Variants in KLHL13 observed in about 807,000 individuals in gnomAD.
KLHL13 encodes the protein kelch like family member 13, also known as kelch-like protein 13.
KLHL13 carries 10 observed loss-of-function variants against 37.1 expected under a neutral mutation model. That is an observed-to-expected ratio of 0.27 (90% CI 0.17 to 0.46). The LOEUF (loss-of-function observed/expected upper bound fraction) is 0.46, where lower values mean the gene tolerates loss of function less well. Among genes scored for constraint, KLHL13 ranks in the 20% least tolerant of loss-of-function variants. The probability of loss-of-function intolerance (pLI) is 1.00; values close to 1 mark genes in which losing one functional copy is unlikely to be tolerated. For synonymous variants in KLHL13, 163 were observed against 181.2 expected (o/e 0.90, Z 0.81); for missense variants, 360 against 509.3 (o/e 0.71, Z 2.82).
chrX:118,091,045 G>A (rs1418367012), intron 1 of KLHL13, among the ~76,000 whole-genome samples: 11 of 101,446 alleles, frequency 1.1e-4, no homozygotes, highest in African/African-American at 1.5e-4. Flanking sequence ...ACCAAACACC[G>A]CATGTTCTCA....
At chrX:117,992,232 T>A (rs1208154589) in intron 1 of KLHL13, among the ~76,000 whole-genome samples, 14 of 80,556 alleles carry the variant, frequency 1.7e-4, no homozygotes, top group Non-Finnish European at 2.5e-4. Context: ...GAAACTGAGA[T>A]GTAAAAAAAA....
chrX:117,990,427 T>TACC (rs1025734790), intron 1 of KLHL13, among the ~76,000 whole-genome samples: 2 of 112,062 alleles, frequency 1.8e-5, no homozygotes, highest in African/African-American at 6.5e-5. Flanking sequence ...ATTAGTTTGT[T>TACC]ACCACCTAGG....
intron 1 of KLHL13, among the ~76,000 whole-genome samples, chrX:117,963,099 A>AT (rs1482533020): frequency 8.9e-6 from 1 of 111,779 alleles, no homozygotes; most frequent in Non-Finnish European, 1.9e-5. Context: ...ACTTGTTTTT[A>AT]TTTTTTTGTT....
intron 2 of KLHL13, among the ~76,000 whole-genome samples, chrX:117,929,870 TAGG>T (rs1161428568): frequency 1.9e-5 from 2 of 102,923 alleles, no homozygotes; most frequent in African/African-American, 7.2e-5. Context: ...GAGCCTGAGG[TAGG>T]AGGATTGCTT....
intron 2 of KLHL13, among the ~76,000 whole-genome samples, chrX:117,930,892 T>C (rs1269039676): frequency 8.9e-6 from 1 of 112,227 alleles, no homozygotes; most frequent in Non-Finnish European, 1.9e-5. Context: ...AAAATGTAAA[T>C]TATCTTAATC....
chrX:118,116,877 C>G (rs2055478458), upstream of KLHL13: 1 of 58,296 alleles, frequency 1.7e-5, no homozygotes, highest in African/African-American at 6.9e-5. Context: ...GGGGGGGGAG[C>G]GCGCGGGCGG....
At chrX:118,089,129 A>G (rs1281694306) in intron 1 of KLHL13, among the ~76,000 whole-genome samples, 1 of 111,556 alleles carries the variant, frequency 9.0e-6, no homozygotes, top group African/African-American at 3.3e-5. Context: ...CTGCACCCTC[A>G]TCCACGTCAC....
At chrX:117,964,533 T>A (rs1194759926) in intron 1 of KLHL13, among the ~76,000 whole-genome samples, 2 of 112,339 alleles carry the variant, frequency 1.8e-5, no homozygotes, top group Non-Finnish European at 3.8e-5. Flanking sequence ...TAATAGACAG[T>A]TGAGTAACTG....
rs1397037324 is a variant in KLHL13, at chrX:118,031,586, TTTAG to T, written c.-56+84918_-56+84921del. 3.0e-4 allele frequency among the ~76,000 whole-genome samples: 25 copies of T among 83,701 alleles called. No homozygotes were observed. The South Asian group carries it at 0.011, about 38-fold the overall frequency. 72.7% of individuals were successfully genotyped at this position (83,701 alleles called of 115,157 possible). A position where few individuals can be genotyped will look rare whatever the true frequency, so the allele number is the denominator to read the frequency against. On this transcript the variant is annotated intron_variant, in intron 1 of 6. Transcript: ENST00000371882. Reference sequence around the variant, plus strand: ...TATATATATATTAGTTATATATATATTTAGTTATATATATATTTAGTTATATATA... The same window carrying T: ...TATATATATATTAGTTATATATATATTTATATATATATTTAGTTATATATA...
At chrX:117,905,652 GT>G (rs200271336) in intron 5 of KLHL13, among the ~76,000 whole-genome samples, 9 of 106,753 alleles carry the variant, frequency 8.4e-5, no homozygotes, top group South Asian at 4.0e-4. Context: ...TGTTGCCACT[GT>G]TTTTTTTTTA....
intron 1 of KLHL13, among the ~76,000 whole-genome samples, chrX:118,105,975 T>G (rs957200635): frequency 9.9e-6 from 1 of 100,888 alleles, no homozygotes; most frequent in East Asian, 3.1e-4. Flanking sequence ...GATCTCAGCT[T>G]ACTGCAAGCT....
chrX:118,019,217 C>A (rs184667591), intron 1 of KLHL13, among the ~76,000 whole-genome samples: 1 of 111,691 alleles, frequency 9.0e-6, no homozygotes, highest in Non-Finnish European at 1.9e-5. Context: ...TCTTCCCACT[C>A]CTGCCCCTGT....
intron 2 of KLHL13, among the ~76,000 whole-genome samples, chrX:117,942,164 A>G (rs1933072646): frequency 9.0e-6 from 1 of 111,708 alleles, no homozygotes; most frequent in Non-Finnish European, 1.9e-5. Flanking sequence ...CTTAATCCTG[A>G]GTTCTAATTT....
At position 118,074,135 on chromosome X, in the gene KLHL13, T is replaced by TAA. The variant is rs200551370; in HGVS notation, c.-56+42371_-56+42372dup. The stretch of plus-strand genomic sequence containing the variant: ...GGAATGTTCTACCTGTATAAACTGT[T>TAA]AAAAAACTGTTTGTTTCTTCTTAGG... On this transcript the variant is annotated intron_variant, in intron 1 of 6. Coordinates refer to the KLHL13 transcript ENST00000371882. Among the ~76,000 whole-genome samples, 920 of 111,966 alleles carry TAA rather than the reference T, an allele frequency of 8.2e-3. 10 individuals are homozygous for TAA. Among genetic ancestry groups the TAA allele is most frequent in the African/African-American group, 0.026 (809 of 30,839 alleles).
intron 1 of KLHL13, among the ~76,000 whole-genome samples, chrX:118,056,890 T>C (rs996231111): frequency 3.2e-4 from 36 of 112,326 alleles, no homozygotes; most frequent in Non-Finnish European, 3.2e-4. Flanking sequence ...AGGTGTTCAA[T>C]ATATTTTACT....
intron 1 of KLHL13, among the ~76,000 whole-genome samples, chrX:117,953,241 T>C (rs1933725528): frequency 9.0e-6 from 1 of 111,248 alleles, no homozygotes; most frequent in African/African-American, 3.3e-5. Context: ...AATGATGAGT[T>C]CATGTCCTTT....
chrX:118,001,541 G>T (rs1463089595), intron 1 of KLHL13, among the ~76,000 whole-genome samples: 1 of 111,649 alleles, frequency 9.0e-6, no homozygotes, highest in Non-Finnish European at 1.9e-5. Flanking sequence ...AATCCTGATT[G>T]TCAGAACACT....
chrX:117,912,613 CTT>C (rs1341771956), intron 4 of KLHL13, among the ~76,000 whole-genome samples: 1 of 112,356 alleles, frequency 8.9e-6, no homozygotes, highest in African/African-American at 3.2e-5. Context: ...CTAGAAAAGA[CTT>C]TGACAGACCA....
chrX:118,059,616 C>A (rs183594937), intron 1 of KLHL13, among the ~76,000 whole-genome samples: 156 of 111,586 alleles, frequency 1.4e-3, no homozygotes, highest in Middle Eastern at 0.014. Context: ...ACCAGTAGTA[C>A]AAATAATATA....
Sources: gnomAD v4.1 joint callset for allele counts (sites outside exome capture counted in the v4.1 genomes callset) on GRCh38, gnomAD v4.1.1 for gene constraint, MANE v1.5 for transcripts, NCBI Gene and HGNC (gene_info 2026-07-23, HGNC 2026-07-21) for gene names.